REEP1: variants seen among roughly 807,000 people sequenced by gnomAD.
The protein encoded by REEP1 is receptor accessory protein 1.
Under a neutral mutation model 40.3 loss-of-function variants are expected in REEP1, and 22 were observed. That is an observed-to-expected ratio of 0.55 (90% confidence interval 0.39 to 0.78). The LOEUF is 0.78. REEP1 is among the 30% of genes least tolerant of loss of function. REEP1 has a pLI of 0.00. For missense variants in REEP1, 280 were observed against 361.1 expected, an observed-to-expected ratio of 0.78 and a Z score of 1.82; for synonymous variants, 116 against 139.2, an observed-to-expected ratio of 0.83 and a Z score of 1.17.
chr2:86,329,768 G>T (rs1416310784), intron 1 of REEP1, among the ~76,000 whole-genome samples: 2 of 152,078 alleles, frequency 1.3e-5, no homozygotes, highest in Non-Finnish European at 2.9e-5. Context: ...GAGGAGTGAG[G>T]TCCTGACTCA....
intron 1 of REEP1, among the ~76,000 whole-genome samples, chr2:86,324,384 T>C (rs1016975048): frequency 2.0e-5 from 3 of 152,086 alleles, no homozygotes; most frequent in African/African-American, 4.8e-5. Flanking sequence ...AATAAACATA[T>C]GAAAAGATGC....
In REEP1 at chr2:86,263,921, A is replaced by G. The variant is rs761246664; in HGVS notation, c.182+44T>C. 49 of 1,481,832 alleles carry G rather than the reference A, an allele frequency of 3.3e-5. No individual in the cohort carries two copies. The Admixed American group carries it at 7.7e-4, about 23-fold the overall frequency. The allele number at this position is 1,481,832 out of a possible 1,614,324, so 91.8% of individuals were successfully genotyped here. ...TCCCACCTCCCCCTGAGTGACACTA[A>G]GCAAAATTGTCCTTAGAAACATCCC... On this transcript the variant is annotated intron_variant, in intron 3 of 8. Transcript: ENST00000538924.
At chr2:86,261,748 A>G (rs1676865003) in intron 3 of REEP1, among the ~76,000 whole-genome samples, 1 of 152,184 alleles carries the variant, frequency 6.6e-6, no homozygotes, top group African/African-American at 2.4e-5. Flanking sequence ...GGATTAGTAT[A>G]AGAGGAAGGC....
intron 2 of REEP1, among the ~76,000 whole-genome samples, chr2:86,280,677 C>T (rs1678034301): frequency 6.6e-6 from 1 of 152,168 alleles, no homozygotes; most frequent in African/African-American, 2.4e-5. Context: ...CTCACATATA[C>T]CACAGACCCA....
At chr2:86,235,665 C>T (rs373026190) in intron 5 of REEP1, among the ~76,000 whole-genome samples, 1 of 152,298 alleles carries the variant, frequency 6.6e-6, no homozygotes, top group East Asian at 1.9e-4. Flanking sequence ...CTCATTGTCG[C>T]TCAGCAACAT....
At chr2:86,283,083 T>C (rs1014890085) in intron 1 of REEP1, among the ~76,000 whole-genome samples, 5 of 152,158 alleles carry the variant, frequency 3.3e-5, no homozygotes, top group Non-Finnish European at 7.4e-5. Context: ...CTGGCCTCCC[T>C]AACTAGCTCA....
intron 1 of REEP1, among the ~76,000 whole-genome samples, chr2:86,331,509 C>G (rs1426201817): frequency 6.8e-6 from 1 of 147,922 alleles, no homozygotes; most frequent in Admixed American, 6.7e-5. Context: ...GAGCTGTGAT[C>G]AGTGAAAGGA....
In REEP1 at chr2:86,336,422, A is replaced by G. The variant is rs113336020; in HGVS notation, c.32+1057T>C. 7.2e-5 allele frequency among the ~76,000 whole-genome samples: 11 copies of G among 152,214 alleles called. 1 individual carries two copies. The highest frequency in any genetic ancestry group is 2.6e-4 in the African/African-American group (11 of 41,530). The stretch of plus-strand genomic sequence containing the variant: ...AAAACGTGGGGAGTGATGGTGCACA[A>G]TCACTGGGGTCCAGAGCCCCGTGTT... On this transcript the variant is annotated intron_variant, in intron 1 of 8. Coordinates refer to ENST00000538924, the MANE Select transcript of REEP1 (RefSeq NM_001371279.1).
intron 2 of REEP1, among the ~76,000 whole-genome samples, chr2:86,264,432 A>G (rs1677037616): frequency 7.2e-6 from 1 of 139,294 alleles, no homozygotes. Context: ...CATGGTAGTA[A>G]TCTAGGAATT....
At chr2:86,308,526 G>A (rs375237624) in intron 1 of REEP1, among the ~76,000 whole-genome samples, 4 of 152,348 alleles carry the variant, frequency 2.6e-5, no homozygotes, top group African/African-American at 7.2e-5. Context: ...CTGCACTCCA[G>A]CCTGGGCAAC....
chr2:86,318,159 A>G (rs1173108892), intron 1 of REEP1, among the ~76,000 whole-genome samples: 1 of 152,194 alleles, frequency 6.6e-6, no homozygotes, highest in Non-Finnish European at 1.5e-5. Context: ...ATGTGTCAAC[A>G]TTTGAAGATC....
chr2:86,226,334 C>T (rs1249297326), intron 7 of REEP1, among the ~76,000 whole-genome samples: 47 of 152,114 alleles, frequency 3.1e-4, no homozygotes, highest in Non-Finnish European at 6.0e-4. Flanking sequence ...GAACAGGGCT[C>T]CCTTGGCTGC....
In REEP1 at chr2:86,251,911, T is replaced by C. The variant is rs752457213; in HGVS notation, c.417+46A>G. On this transcript the variant is annotated intron_variant, in intron 5 of 8. Transcript: ENST00000538924. ...CGCACAGGTGATGAGCAGGGCACAC[T>C]AGAGGGACTGAGACTCATGTAGTTG... The C allele has an allele frequency of 3.5e-5, 46 of 1,318,086 alleles. No individual in the cohort carries two copies. In the Admixed American group the frequency reaches 6.9e-4, roughly 20 times the overall value. The allele number at this position is 1,318,086 out of a possible 1,614,324, so 81.6% of individuals were successfully genotyped here.
chr2:86,261,865 A>C (rs1429970122), intron 3 of REEP1, among the ~76,000 whole-genome samples: 2 of 152,254 alleles, frequency 1.3e-5, no homozygotes, highest in Non-Finnish European at 2.9e-5. Context: ...CTACTGAGAT[A>C]GGGAAAAACC....
At chr2:86,228,471 T>TTAA (rs1674839599) in intron 6 of REEP1, among the ~76,000 whole-genome samples, 2 of 151,636 alleles carry the variant, frequency 1.3e-5, no homozygotes, top group African/African-American at 4.8e-5. Context: ...TTTTTTTTTT[T>TTAA]TAATGAGACA....
Position 86,217,045 on chromosome 2 carries a change from G to A in REEP1, c.849C>T (p.Thr283=). The A allele has an allele frequency of 6.2e-7, 1 of 1,613,778 alleles. No homozygotes were observed. Among genetic ancestry groups the A allele is most frequent in the South Asian group, 1.1e-5 (1 of 91,058 alleles). ...KKSTSSSATE[T]T ...TGCTGTTGGCTCATCTCACTCACGT[G>A]GTTTCGGTGGCCGAGGATGAGGTAC... The change falls in exon 9 of 9, where the codon ACC becomes ACT. Residue 283 remains threonine, a synonymous_variant. Transcript: ENST00000538924.
At chr2:86,326,894 C>A (rs1267797850) in intron 1 of REEP1, among the ~76,000 whole-genome samples, 1 of 152,186 alleles carries the variant, frequency 6.6e-6, no homozygotes, top group Non-Finnish European at 1.5e-5. Flanking sequence ...TAGTCCAATT[C>A]TCTACCCATA....
intron 3 of REEP1, among the ~76,000 whole-genome samples, chr2:86,257,191 G>A (rs1676607331): frequency 6.6e-6 from 1 of 152,106 alleles, no homozygotes; most frequent in Non-Finnish European, 1.5e-5. Context: ...TTGAAAACAA[G>A]TATTCACCAG....
At chr2:86,259,357 T>C (rs565495057) in intron 3 of REEP1, among the ~76,000 whole-genome samples, 1 of 152,212 alleles carries the variant, frequency 6.6e-6, no homozygotes, top group African/African-American at 2.4e-5. Context: ...TATTTCATTT[T>C]TCCTTATGTA....
Sources: gnomAD v4.1 joint callset for allele counts (sites outside exome capture counted in the v4.1 genomes callset) on GRCh38, gnomAD v4.1.1 for gene constraint, MANE v1.5 for transcripts, NCBI Gene and HGNC (gene_info 2026-07-23, HGNC 2026-07-21) for gene names.